The following MLIP variants were observed in gnomAD, a reference collection of about 807,000 sequenced individuals.
MLIP encodes muscular LMNA interacting protein, also known as muscular LMNA-interacting protein.
In MLIP, 79 loss-of-function variants were observed where a neutral mutation model predicts 84.8. The ratio of observed to expected loss-of-function variants is 0.93; its 90% confidence interval spans 0.78 to 1.12. MLIP has a LOEUF of 1.12. Ranked by LOEUF, MLIP falls within the 50% of genes most tolerant of loss-of-function variation. The probability of loss-of-function intolerance (pLI) is 0.00; values close to 1 mark genes in which losing one functional copy is unlikely to be tolerated. For missense variants in MLIP, 1,257 were observed against 1,160.6 expected (o/e 1.08, Z -1.21); for synonymous variants, 504 against 463.0 (o/e 1.09, Z -1.14).
chr6:54,031,957 C>G (rs1012246957), intron 1 of MLIP, among the ~76,000 whole-genome samples: 1 of 152,132 alleles, frequency 6.6e-6, no homozygotes, highest in Admixed American at 6.6e-5. Context: ...CAGATTTTGT[C>G]ATTGGAAAAG....
chr6:54,169,913 T>C (rs1462712369), intron 9 of MLIP, among the ~76,000 whole-genome samples: 1 of 151,802 alleles, frequency 6.6e-6, no homozygotes, highest in Non-Finnish European at 1.5e-5. Context: ...ACTCATATAC[T>C]TGAAACATTA....
At chr6:54,111,278 T>C, upstream of MLIP, 2 of 802,180 alleles carry the variant, frequency 2.5e-6, no homozygotes, top group Non-Finnish European at 3.6e-6. Context: ...TAGTATGACC[T>C]CTCATAATGT....
chr6:54,032,545 A>T (rs1255838425), intron 1 of MLIP: 1 of 151,148 alleles, frequency 6.6e-6, no homozygotes, highest in Non-Finnish European at 1.5e-5. Flanking sequence ...CTCAAGAAGT[A>T]AAAGGGATTT....
At position 54,077,527 on chromosome 6, in the gene MLIP, A is replaced by T. The variant is rs115783279; in HGVS notation, c.64-43920A>T. ...TTACACATAATTATTATTAATAATT[A>T]CATCTAATACGTGTTTCAAGATAAT... On this transcript the variant is annotated intron_variant, in intron 1 of 12. Transcript: ENST00000274897. 9.3e-3 allele frequency among the ~76,000 whole-genome samples: 1,424 copies of T among 152,330 alleles called. 18 individuals are homozygous for T. Among genetic ancestry groups the T allele is most frequent in the African/African-American group, 0.029 (1,222 of 41,564 alleles).
chr6:54,089,393 C>T (rs1767709738), intron 1 of MLIP, among the ~76,000 whole-genome samples: 1 of 152,070 alleles, frequency 6.6e-6, no homozygotes, highest in East Asian at 1.9e-4. Flanking sequence ...ATCCCAAGGC[C>T]ACAGGATAAT....
At chr6:54,056,037 C>T (rs1043340445) in intron 1 of MLIP, among the ~76,000 whole-genome samples, 1 of 151,994 alleles carries the variant, frequency 6.6e-6, no homozygotes, top group African/African-American at 2.4e-5. Flanking sequence ...CTACGACAAC[C>T]ATATGCCACT....
At chr6:54,258,260 G>A (rs1038829099) in intron 13 of MLIP, among the ~76,000 whole-genome samples, 9 of 151,982 alleles carry the variant, frequency 5.9e-5, no homozygotes, top group East Asian at 1.9e-4. Flanking sequence ...AAAATTCCAC[G>A]TATAATTTGA....
chr6:54,246,239 A>G (rs1297357781), intron 12 of MLIP, among the ~76,000 whole-genome samples: 1 of 152,152 alleles, frequency 6.6e-6, no homozygotes, highest in Non-Finnish European at 1.5e-5. Context: ...AGGCATTCAA[A>G]TGAAGTGTAA....
At chr6:54,142,602 G>A (rs1296211928) in intron 4 of MLIP, among the ~76,000 whole-genome samples, 1 of 152,154 alleles carries the variant, frequency 6.6e-6, no homozygotes, top group East Asian at 1.9e-4. Flanking sequence ...GGATCCTGTA[G>A]GAGGGTCTTG....
In MLIP at chr6:54,191,018, A is replaced by G. The variant is rs185318046; in HGVS notation, c.2589+1104A>G. Among the ~76,000 whole-genome samples the G allele has an allele frequency of 3.5e-4, 53 of 151,852 alleles. 1 individual carries two copies. Among genetic ancestry groups the G allele is most frequent in the Middle Eastern group, 3.4e-3 (1 of 294 alleles). ...CACCATTTAAGCCAGGATGGTCTCGATCTCCTGACCTCGTGATCCACCCGC... is the reference window on the plus strand; with the variant it reads ...CACCATTTAAGCCAGGATGGTCTCGGTCTCCTGACCTCGTGATCCACCCGC... On this transcript the variant is annotated intron_variant, in intron 10 of 13. Transcript: ENST00000502396.
chr6:54,113,266 T>C (rs1769628201), intron 1 of MLIP, among the ~76,000 whole-genome samples: 1 of 152,212 alleles, frequency 6.6e-6, no homozygotes, highest in South Asian at 2.1e-4. Context: ...GGATTATCTT[T>C]ATTTCTTACT....
rs370171631 is a variant in MLIP at position 54,121,593 on chromosome 6, T to G, written c.243T>G (p.Thr81=). Residue 81 remains threonine (T), a synonymous_variant, in exon 2 of 14, where the codon ACT becomes ACG. Coordinates refer to ENST00000502396, the MANE Select transcript of MLIP (RefSeq NM_001281747.2). ...AATCAAGTGATAAGAGTCCAGAAAC[T>G]GTAAATAGGGTAGGATTATTTTTAT... The part of the protein sequence containing the change: ...PEESSDKSPE[T]VNRSKSNDYL... 2 of 1,599,888 alleles carry G rather than the reference T, an allele frequency of 1.3e-6. No individual in the cohort carries two copies. Among genetic ancestry groups the G allele is most frequent in the Non-Finnish European group, 1.7e-6 (2 of 1,173,894 alleles).
chr6:54,047,650 G>T (rs769658986), intron 1 of MLIP: 1 of 152,196 alleles, frequency 6.6e-6, no homozygotes, highest in Non-Finnish European at 1.5e-5. Flanking sequence ...ACCTATCGAC[G>T]TGATGTCACT....
At chr6:54,169,743 C>T (rs1157001908) in intron 9 of MLIP, among the ~76,000 whole-genome samples, 171 bp downstream of exon 9, 1 of 151,532 alleles carries the variant, frequency 6.6e-6, no homozygotes, top group African/African-American at 2.4e-5. Context: ...AGAGATAAAA[C>T]ATCAGGTAAG....
At chr6:54,177,872 GA>G (rs1776455095) in intron 9 of MLIP, among the ~76,000 whole-genome samples, 1 of 152,132 alleles carries the variant, frequency 6.6e-6, no homozygotes, top group Non-Finnish European at 1.5e-5. Context: ...CCATATAAAG[GA>G]AAAAGATCAT....
chr6:54,060,502 T>C (rs1346153320), intron 1 of MLIP, among the ~76,000 whole-genome samples: 1 of 152,192 alleles, frequency 6.6e-6, no homozygotes, highest in African/African-American at 2.4e-5. Flanking sequence ...GGCTACATGC[T>C]AAGTGATTAT....
At chr6:54,021,322 C>T (rs192067877) in intron 1 of MLIP, among the ~76,000 whole-genome samples, 22 of 152,102 alleles carry the variant, frequency 1.4e-4, no homozygotes, top group Admixed American at 9.8e-4. Flanking sequence ...AATATGTGTA[C>T]ATTATAATAT....
At chr6:54,213,734 A>AAAAAC (rs368508685) in intron 11 of MLIP, among the ~76,000 whole-genome samples, 1,437 of 82,274 alleles carry the variant, frequency 0.017, 384 homozygotes, top group Non-Finnish European at 0.022. Context: ...AAAAAAAAAA[A>AAAAAC]AACAACAAAC....
chr6:54,245,514 T>C (rs953710570), intron 12 of MLIP, among the ~76,000 whole-genome samples: 1 of 152,192 alleles, frequency 6.6e-6, no homozygotes, highest in African/African-American at 2.4e-5. Context: ...GAATGCGCAG[T>C]AGAAGGAGGC....
Sources: allele counts gnomAD v4.1 joint callset (sites outside exome capture counted in the v4.1 genomes callset), GRCh38; gene constraint gnomAD v4.1.1; transcripts MANE v1.5; gene names NCBI Gene and HGNC (gene_info 2026-07-23, HGNC 2026-07-21).